KIF5C: variants seen among roughly 807,000 people sequenced by gnomAD.
The protein encoded by KIF5C is kinesin heavy chain isoform 5C.
A neutral mutation model predicts 125.2 loss-of-function variants in KIF5C; 18 were observed. That is an observed-to-expected ratio of 0.14 (90% CI 0.10 to 0.21). The LOEUF is 0.21. KIF5C is among the 10% of genes least tolerant of loss of function. KIF5C has a pLI of 1.00. For missense variants in KIF5C, 780 were observed against 1,183.8 expected, an observed-to-expected ratio of 0.66 and a Z score of 5.01; for synonymous variants, 405 against 434.0, an observed-to-expected ratio of 0.93 and a Z score of 0.83.
chr2:149,025,399 C>T lies in KIF5C; in HGVS notation c.*2329C>T, dbSNP rs1412980022. 1 of 152,556 alleles carries T rather than the reference C, an allele frequency of 6.6e-6. No individual in the cohort carries two copies. The highest frequency in any genetic ancestry group is 1.9e-4 in the East Asian group (1 of 5,192). 9.5% of individuals were successfully genotyped at this position (152,556 alleles called of 1,614,324 possible). On this transcript the variant is annotated 3_prime_UTR_variant, in exon 26 of 26. Coordinates refer to ENST00000435030, the MANE Select transcript of KIF5C (RefSeq NM_004522.3). ...TTGGAACGGATTATTCAAATGGATCCTTAAATATTGCTATGTATAATAAGC... is the reference window on the plus strand; with the variant it reads ...TTGGAACGGATTATTCAAATGGATCTTTAAATATTGCTATGTATAATAAGC...
chr2:148,988,840 A>T (rs1432684265), intron 15 of KIF5C, among the ~76,000 whole-genome samples: 1 of 152,254 alleles, frequency 6.6e-6, no homozygotes, highest in Non-Finnish European at 1.5e-5. Context: ...TGGGTTTAAC[A>T]AGGACCTCCA....
At chr2:148,948,595 C>G (rs1419717869) in intron 8 of KIF5C, among the ~76,000 whole-genome samples, 1 of 152,148 alleles carries the variant, frequency 6.6e-6, no homozygotes, top group African/African-American at 2.4e-5. Flanking sequence ...TCACACACAC[C>G]TGTTTTCCTT....
At chr2:149,006,245 G>A (rs1474020394) in intron 22 of KIF5C, among the ~76,000 whole-genome samples, 1 of 152,194 alleles carries the variant, frequency 6.6e-6, no homozygotes, top group Non-Finnish European at 1.5e-5. Context: ...GTGTGAAGGA[G>A]CCAAGGGAAA....
chr2:148,961,363 G>A (rs895175826), intron 10 of KIF5C, among the ~76,000 whole-genome samples: 1 of 152,154 alleles, frequency 6.6e-6, no homozygotes, highest in Admixed American at 6.5e-5. Flanking sequence ...TCAGCTGTGG[G>A]ACCCACCTGA....
In KIF5C at chr2:148,950,443, A is replaced by G. The variant is rs1300864425; in HGVS notation, c.949A>G (p.Thr317Ala). The G allele has an allele frequency of 1.2e-6, 2 of 1,613,802 alleles. No individual in the cohort carries two copies. Among genetic ancestry groups the G allele is most frequent in the Non-Finnish European group, 1.7e-6 (2 of 1,179,784 alleles). Reference protein sequence around the residue: ...SVFNEAETKSTLMFGQRAKTI... With the variant: ...SVFNEAETKSALMFGQRAKTI... The stretch of plus-strand genomic sequence containing the variant: ...CTTCAATGAGGCTGAGACCAAGTCC[A>G]CACTGATGTTCGGACAGAGGTACGT... Residue 317 changes from threonine (T) to alanine (A), a missense_variant, in exon 10 of 26, where the codon ACA becomes GCA. Around this residue, in one of 2 missense-constraint regions of KIF5C, gnomAD observed 207 missense variants for 441.2 expected, o/e 0.47. Transcript: ENST00000435030.
At chr2:148,897,809 C>T (rs1437824784) in intron 1 of KIF5C, among the ~76,000 whole-genome samples, 1 of 150,822 alleles carries the variant, frequency 6.6e-6, no homozygotes, top group East Asian at 2.0e-4. Context: ...GTCCCAGTTA[C>T]TCAGGAGGCT....
At chr2:148,963,738 T>C (rs953375929) in intron 11 of KIF5C, among the ~76,000 whole-genome samples, 1 of 152,174 alleles carries the variant, frequency 6.6e-6, no homozygotes, top group Admixed American at 6.5e-5. Flanking sequence ...TAAAGCCTTT[T>C]GGTAAAGGAT....
At position 148,910,966 on chromosome 2, in the gene KIF5C, G is replaced by A. The variant is rs1211519909; in HGVS notation, c.127-11171G>A. Among the ~76,000 whole-genome samples the A allele has an allele frequency of 1.3e-5, 2 of 152,192 alleles. 1 individual carries two copies. Among genetic ancestry groups the A allele is most frequent in the Non-Finnish European group, 2.9e-5 (2 of 68,034 alleles). On this transcript the variant is annotated intron_variant, in intron 1 of 25. Transcript: ENST00000435030. ...TGAGCTTTTTATCCTGGATGACTGG[G>A]GATAGTGAAAGGAAGAGGTGGAGGA...
At position 148,951,050 on chromosome 2, in the gene KIF5C, T is replaced by C. The variant is rs144522761; in HGVS notation, c.968+588T>C. 1.5e-3 allele frequency among the ~76,000 whole-genome samples: 234 copies of C among 152,302 alleles called. 1 individual carries two copies. The highest frequency in any genetic ancestry group is 5.4e-3 in the African/African-American group (223 of 41,564). ...ATTTCAGATGTGAATTGGAAATGCA[T>C]TGGGGTGTTACTTTTGTTCTTCATG... On this transcript the variant is annotated intron_variant, in intron 10 of 25. Coordinates refer to ENST00000435030, the MANE Select transcript of KIF5C (RefSeq NM_004522.3).
At chr2:148,909,888 G>A (rs527693594) in intron 1 of KIF5C, among the ~76,000 whole-genome samples, 1 of 152,134 alleles carries the variant, frequency 6.6e-6, no homozygotes, top group Non-Finnish European at 1.5e-5. Context: ...ATCGCTGTGC[G>A]ACTATTATGT....
At chr2:148,931,922 A>G (rs1262580014) in intron 3 of KIF5C, among the ~76,000 whole-genome samples, 6 of 152,222 alleles carry the variant, frequency 3.9e-5, no homozygotes, top group Non-Finnish European at 5.9e-5. Context: ...TGACTTTTGC[A>G]GATCACATAC....
At chr2:148,883,710 G>T (rs1001252436) in intron 1 of KIF5C, 1 of 151,902 alleles carries the variant, frequency 6.6e-6, no homozygotes, top group African/African-American at 2.4e-5. Flanking sequence ...TACTTTTTCA[G>T]CATTCTAAAA....
chr2:148,947,805 G>A, intron 8 of KIF5C: 1 of 441,808 alleles, frequency 2.3e-6, no homozygotes, highest in South Asian at 1.6e-5. Context: ...TGTGCACAAT[G>A]CCCTCTGGCC....
At chr2:148,985,359 G>A (rs1169703736) in intron 15 of KIF5C, among the ~76,000 whole-genome samples, 1 of 152,182 alleles carries the variant, frequency 6.6e-6, no homozygotes, top group Non-Finnish European at 1.5e-5. Context: ...AAAGTATACA[G>A]TCTGAGAAAT....
chr2:148,916,086 G>A (rs1343886051), intron 1 of KIF5C, among the ~76,000 whole-genome samples: 1 of 152,216 alleles, frequency 6.6e-6, no homozygotes, highest in Non-Finnish European at 1.5e-5. Context: ...CTGACCATGA[G>A]AAGTTAGACT....
intron 15 of KIF5C, 144 bp downstream of exon 15, chr2:148,983,910 G>T: frequency 1.7e-6 from 2 of 1,199,990 alleles, no homozygotes; most frequent in Non-Finnish European, 2.1e-6. Context: ...TGAAAAAAGG[G>T]CTAATTGAAT....
rs1682683354 is a variant in KIF5C, at chr2:149,026,203, T to C, written c.*3133T>C. Reference sequence around the variant, plus strand: ...AGGGTGGAGGGAAGATTTCACTTCATTGTCTAGCCCAGAATCTTGAGCAAG... The same window carrying C: ...AGGGTGGAGGGAAGATTTCACTTCACTGTCTAGCCCAGAATCTTGAGCAAG... On this transcript the variant is annotated 3_prime_UTR_variant, in exon 26 of 26. Coordinates refer to ENST00000435030, the MANE Select transcript of KIF5C (RefSeq NM_004522.3). The C allele has an allele frequency of 6.6e-6, 1 of 152,382 alleles. No homozygotes were observed. The highest frequency in any genetic ancestry group is 2.4e-5 in the African/African-American group (1 of 41,444). 9.4% of individuals were successfully genotyped at this position (152,382 alleles called of 1,614,324 possible).
chr2:148,983,683 A>G lies in KIF5C; in HGVS notation c.1633A>G (p.Lys545Glu), dbSNP rs1168140269. The G allele has an allele frequency of 1.9e-6, 3 of 1,611,780 alleles. No individual in the cohort carries two copies. In the East Asian group the frequency reaches 6.7e-5, roughly 36 times the overall value. Residue 545 changes from lysine (K) to glutamate (E), a missense_variant, in exon 15 of 26, where the codon AAA becomes GAA. By Grantham distance (56) the Lys-to-Glu change is moderately conservative. Transcript: ENST00000435030. ...ACAAGAGCTTAGCAACCACCAGAAG[A>G]AAAGGGCAACTGAGATCCTGAATTT... ...QLQELSNHQK[K>E]RATEILNLLL...
chr2:148,915,326 C>T (rs575884695), intron 1 of KIF5C, among the ~76,000 whole-genome samples: 4 of 152,266 alleles, frequency 2.6e-5, no homozygotes, highest in Non-Finnish European at 4.4e-5. Context: ...TGAGCACCTG[C>T]CCTGCACCAT....
Sources: allele counts gnomAD v4.1 joint callset (sites outside exome capture counted in the v4.1 genomes callset), GRCh38; gene constraint gnomAD v4.1.1; regional missense constraint gnomAD v4.1.1; transcripts MANE v1.5; gene names NCBI Gene and HGNC (gene_info 2026-07-23, HGNC 2026-07-21).